The following JPH2 variants were observed in gnomAD, a reference collection of about 807,000 sequenced individuals.
JPH2 encodes junctophilin 2, also known as junctophilin-2.
Under a neutral mutation model 55.9 loss-of-function variants are expected in JPH2, and 38 were observed. The ratio of observed to expected loss-of-function variants is 0.68; its 90% CI spans 0.52 to 0.89. The LOEUF is 0.89. Ranked by LOEUF, JPH2 falls within the 40% of genes least tolerant of loss-of-function variation. The pLI is 0.00. For missense variants in JPH2, 964 were observed against 1,037.6 expected, an observed-to-expected ratio of 0.93 and a Z score of 0.97; for synonymous variants, 480 against 472.4, an observed-to-expected ratio of 1.02 and a Z score of -0.21.
rs2072253121 is a variant in JPH2, at chr20:44,123,465, A to G, written c.1170-4842T>C. Reference sequence around the variant, plus strand: ...TGCTTAACCACACACCCGTGGCCTCACCCCTTGCTTCAAATCTTTGCAAGG... The same window carrying G: ...TGCTTAACCACACACCCGTGGCCTCGCCCCTTGCTTCAAATCTTTGCAAGG... On this transcript the variant is annotated intron_variant, in intron 2 of 5. Transcript: ENST00000372980. 2.0e-5 allele frequency among the ~76,000 whole-genome samples: 3 copies of G among 152,056 alleles called. No individual in the cohort carries two copies. In the South Asian group the frequency reaches 6.2e-4, roughly 31 times the overall value.
chr20:44,162,785 T>TACACACACAC (rs1430891241), intron 1 of JPH2, among the ~76,000 whole-genome samples: 3 of 49,996 alleles, frequency 6.0e-5, no homozygotes, highest in East Asian at 3.9e-4. Flanking sequence ...TATATATATA[T>TACACACACAC]ATACACACAC....
Position 44,160,124 on chromosome 20 carries a change from G to A in JPH2, c.663C>T (p.Phe221=). 6.7e-7 allele frequency: 1 copy of A among 1,503,742 alleles called. No homozygotes were observed. The allele number at this position is 1,503,742 out of a possible 1,614,324, so 93.1% of individuals were successfully genotyped here. A position where few individuals can be genotyped will look rare whatever the true frequency, so the allele number is the denominator to read the frequency against. The change falls in exon 2 of 6, where the codon TTC becomes TTT. Residue 221 remains phenylalanine (F), a synonymous_variant. Coordinates refer to ENST00000372980, the MANE Select transcript of JPH2 (RefSeq NM_020433.5). The surrounding 1 kb of genome is among the most constrained non-coding windows in gnomAD (Gnocchi z 4.9). ...AARAPKGGGL[F]QRGALLGKLR... ...GCTTGCCCAGCAGCGCGCCCCGCTG[G>A]AAGAGGCCGCCGCCCTTGGGCGCCC...
At chr20:44,142,180 T>C (rs2072461727) in intron 2 of JPH2, among the ~76,000 whole-genome samples, 1 of 152,148 alleles carries the variant, frequency 6.6e-6, no homozygotes, top group South Asian at 2.1e-4. Context: ...TACCCTGACC[T>C]GCAAGGCCCC....
At chr20:44,149,187 G>C (rs1378257995) in intron 2 of JPH2, among the ~76,000 whole-genome samples, 1 of 151,182 alleles carries the variant, frequency 6.6e-6, no homozygotes, top group East Asian at 1.9e-4. Context: ...GGTGCCACCA[G>C]GCCCTCCCTT....
intron 2 of JPH2, among the ~76,000 whole-genome samples, chr20:44,148,259 C>T (rs2145869469): frequency 6.6e-6 from 1 of 152,330 alleles, no homozygotes; most frequent in South Asian, 2.1e-4. Flanking sequence ...CACTTAGTGG[C>T]CGCCACATAT....
intron 2 of JPH2, 118 bp from the exon 3 acceptor site, chr20:44,118,741 A>G: frequency 1.2e-6 from 1 of 810,172 alleles, no homozygotes; most frequent in South Asian, 1.4e-5. Flanking sequence ...CAGGCAGTCA[A>G]TGAATATTTA....
At chr20:44,116,633 C>T (rs932362067) in intron 3 of JPH2, among the ~76,000 whole-genome samples, 1 of 152,242 alleles carries the variant, frequency 6.6e-6, no homozygotes, top group African/African-American at 2.4e-5. Context: ...ATCACTTGCC[C>T]AAAGACACAC....
chr20:44,152,805 C>T (rs549701311), intron 2 of JPH2, among the ~76,000 whole-genome samples: 12 of 152,300 alleles, frequency 7.9e-5, no homozygotes, highest in African/African-American at 2.6e-4. Context: ...TGGGTGCCTA[C>T]GGCTCTTTCA....
Position 44,112,085 on chromosome 20 carries a change from G to C in JPH2, c.*1433C>G, listed in dbSNP as rs1051077648. ...GGCAAGTGTGAAGCTAAGGGAGAAG[G>C]TTCCCAAGCATTGAAGGGAAATGGG... On this transcript the variant is annotated 3_prime_UTR_variant, in exon 6 of 6. Coordinates refer to ENST00000372980, the MANE Select transcript of JPH2 (RefSeq NM_020433.5). 2.0e-5 allele frequency: 3 copies of C among 152,330 alleles called. No individual in the cohort carries two copies. The highest frequency in any genetic ancestry group is 2.9e-5 in the Non-Finnish European group (2 of 68,122). 9.4% of individuals were successfully genotyped at this position (152,330 alleles called of 1,614,324 possible). A position where few individuals can be genotyped will look rare whatever the true frequency, so the allele number is the denominator to read the frequency against.
intron 2 of JPH2, among the ~76,000 whole-genome samples, chr20:44,127,724 G>C (rs950039654): frequency 3.9e-5 from 6 of 151,966 alleles, no homozygotes; most frequent in Admixed American, 6.6e-5. Context: ...TCCTGACCTC[G>C]TGATCCACCC....
At chr20:44,129,071 G>A (rs1325016017) in intron 2 of JPH2, among the ~76,000 whole-genome samples, 1 of 152,152 alleles carries the variant, frequency 6.6e-6, no homozygotes, top group East Asian at 1.9e-4. Context: ...TTCTAGTTGA[G>A]GTGAGGAGTA....
At chr20:44,169,437 C>A (rs1470698619) in intron 1 of JPH2, among the ~76,000 whole-genome samples, 2 of 152,194 alleles carry the variant, frequency 1.3e-5, no homozygotes, top group Non-Finnish European at 2.9e-5. Context: ...CTTGGCCTCC[C>A]AAAGTGCTGG....
In JPH2 at chr20:44,186,788, C is replaced by T; in HGVS notation, c.-83G>A. ...TGATGCCTGCAACACTCCTCCAGTG[C>T]CCTCGGGGGCAGGCCCCCAGACTCA... On this transcript the variant is annotated 5_prime_UTR_variant, in exon 1 of 6. Transcript: ENST00000372980. The T allele has an allele frequency of 2.1e-6, 3 of 1,399,630 alleles. No individual in the cohort carries two copies. Among genetic ancestry groups the T allele is most frequent in the South Asian group, 2.3e-5 (2 of 86,678 alleles). The allele number at this position is 1,399,630 out of a possible 1,614,324, so 86.7% of individuals were successfully genotyped here. A position where few individuals can be genotyped will look rare whatever the true frequency, so the allele number is the denominator to read the frequency against.
At chr20:44,142,405 C>T (rs986050128) in intron 2 of JPH2, among the ~76,000 whole-genome samples, 1 of 152,160 alleles carries the variant, frequency 6.6e-6, no homozygotes, top group Non-Finnish European at 1.5e-5. Context: ...ACGCTCTCTC[C>T]GGCCTTTTCT....
chr20:44,183,540 A>T (rs2072804696), intron 1 of JPH2, among the ~76,000 whole-genome samples: 1 of 152,106 alleles, frequency 6.6e-6, no homozygotes, highest in African/African-American at 2.4e-5. Context: ...TGCTCTCAAC[A>T]TGCCCAGGGG....
In JPH2 at chr20:44,115,555, C is replaced by T. The variant is rs972762228; in HGVS notation, c.2010+110G>A. ...CATTTCCTCCTGCTCTATCCTGCTTCGGTCTCTCGCACCCCAGCAACCCCC... is the reference window on the plus strand; with the variant it reads ...CATTTCCTCCTGCTCTATCCTGCTTTGGTCTCTCGCACCCCAGCAACCCCC... On this transcript the variant is annotated intron_variant, in intron 4 of 5. Transcript: ENST00000372980. The T allele has an allele frequency of 2.3e-5, 32 of 1,399,080 alleles. No homozygotes were observed. The African/African-American group carries it at 3.8e-4, about 17-fold the overall frequency. 86.7% of individuals were successfully genotyped at this position (1,399,080 alleles called of 1,614,324 possible).
chr20:44,133,176 T>C (rs2072336720), intron 2 of JPH2, among the ~76,000 whole-genome samples: 1 of 139,082 alleles, frequency 7.2e-6, no homozygotes, highest in African/African-American at 2.8e-5. Context: ...TGCCTTAACA[T>C]ACCTTGTTAA....
At chr20:44,130,658 CG>C (rs2072311243) in intron 2 of JPH2, among the ~76,000 whole-genome samples, 2 of 152,166 alleles carry the variant, frequency 1.3e-5, no homozygotes, top group South Asian at 4.1e-4. Context: ...CAAAACCACA[CG>C]GGGAAACTTC....
chr20:44,156,077 G>A (rs2145875979), intron 2 of JPH2, among the ~76,000 whole-genome samples: 1 of 150,314 alleles, frequency 6.7e-6, no homozygotes, highest in Admixed American at 6.6e-5. Flanking sequence ...AAAAAGCAAA[G>A]AATCAGAAAC....
Sources: gnomAD v4.1 joint callset for allele counts (sites outside exome capture counted in the v4.1 genomes callset) on GRCh38, gnomAD v4.1.1 for gene constraint, Gnocchi (gnomAD v3.1) non-coding constraint, MANE v1.5 for transcripts, NCBI Gene and HGNC (gene_info 2026-07-23, HGNC 2026-07-21) for gene names.